Variants in ASTN2 observed in about 807,000 individuals in gnomAD.
ASTN2 encodes astrotactin-2.
Under a neutral mutation model 139.8 loss-of-function variants are expected in ASTN2, and 54 were observed. That is an observed-to-expected ratio of 0.39 (90% CI 0.31 to 0.48). The LOEUF (loss-of-function observed/expected upper bound fraction) is 0.48. Ranked by LOEUF, ASTN2 falls within the 20% of genes least tolerant of loss-of-function variation. The probability of loss-of-function intolerance (pLI) is 0.95; values close to 1 mark genes in which losing one functional copy is unlikely to be tolerated. For synonymous variants in ASTN2, 756 were observed against 719.5 expected (o/e 1.05, Z -0.81); for missense variants, 1,565 against 1,725.1 (o/e 0.91, Z 1.64).
At chr9:117,150,101 A>G (rs986019758) in intron 3 of ASTN2, among the ~76,000 whole-genome samples, 1 of 152,140 alleles carries the variant, frequency 6.6e-6, no homozygotes, top group African/African-American at 2.4e-5. Flanking sequence ...TGAATGATGG[A>G]ATTAAATTTA....
chr9:117,250,647 A>T (rs1833511965), intron 2 of ASTN2, among the ~76,000 whole-genome samples: 1 of 152,204 alleles, frequency 6.6e-6, no homozygotes, highest in Non-Finnish European at 1.5e-5. Context: ...CATGACTTTA[A>T]TGGCAAAAAA....
chr9:116,936,035 T>C (rs1209295105), intron 10 of ASTN2, among the ~76,000 whole-genome samples: 1 of 6,264 alleles, frequency 1.6e-4, no homozygotes, highest in Non-Finnish European at 3.2e-4. Context: ...GTGTCAGTGG[T>C]CTTAATTACC....
chr9:116,703,317 G>A (rs1218377318), intron 16 of ASTN2, among the ~76,000 whole-genome samples: 3 of 149,898 alleles, frequency 2.0e-5, no homozygotes, highest in African/African-American at 7.4e-5. Flanking sequence ...CCCACTTTTT[G>A]ATGGGGTTGT....
chr9:117,157,329 T>C (rs1209859880), intron 3 of ASTN2, among the ~76,000 whole-genome samples: 2 of 151,980 alleles, frequency 1.3e-5, no homozygotes, highest in Non-Finnish European at 2.9e-5. Context: ...TGGATCCAAG[T>C]TAGCAGGAAG....
chr9:116,820,143 T>C (rs778826614), intron 12 of ASTN2, among the ~76,000 whole-genome samples: 2 of 152,232 alleles, frequency 1.3e-5, no homozygotes, highest in Admixed American at 1.3e-4. Context: ...ATACGGACAT[T>C]AGGACACAGA....
chr9:116,894,034 A>C (rs1833826774), intron 10 of ASTN2, among the ~76,000 whole-genome samples: 1 of 152,176 alleles, frequency 6.6e-6, no homozygotes, highest in African/African-American at 2.4e-5. Flanking sequence ...CATCTGCAGA[A>C]AAGCAATGAC....
At chr9:117,009,865 T>C (rs763569264) in intron 6 of ASTN2, among the ~76,000 whole-genome samples, 20 of 152,166 alleles carry the variant, frequency 1.3e-4, no homozygotes, top group Non-Finnish European at 2.6e-4. Flanking sequence ...CAATGAGCAA[T>C]GGCCAGGGAG....
chr9:117,041,251 A>C (rs1428111746), intron 5 of ASTN2, among the ~76,000 whole-genome samples: 1 of 151,106 alleles, frequency 6.6e-6, no homozygotes, highest in South Asian at 2.1e-4. Context: ...ATGCCTCCAC[A>C]ATTTTTTTTT....
intron 16 of ASTN2, among the ~76,000 whole-genome samples, chr9:116,666,581 C>T (rs991628669): frequency 2.0e-5 from 3 of 152,116 alleles, no homozygotes; most frequent in Non-Finnish European, 4.4e-5. Context: ...ATTACTGTAT[C>T]ATACTTTTAA....
At chr9:116,459,865 CAG>C (rs1335770574) in intron 20 of ASTN2, among the ~76,000 whole-genome samples, 6 of 152,066 alleles carry the variant, frequency 3.9e-5, no homozygotes, top group Admixed American at 3.9e-4. Flanking sequence ...AAGTTACACA[CAG>C]AGTTATCATA....
chr9:117,387,752 C>A (rs547583336), intron 1 of ASTN2, among the ~76,000 whole-genome samples: 6 of 152,128 alleles, frequency 3.9e-5, no homozygotes, highest in East Asian at 1.9e-4. Context: ...GAGAGAAATG[C>A]GGAGTCCTGA....
chr9:116,949,514 A>T (rs1835497947), intron 10 of ASTN2, among the ~76,000 whole-genome samples: 1 of 152,122 alleles, frequency 6.6e-6, no homozygotes. Flanking sequence ...TATCAGAACT[A>T]GTGTAAGTGG....
At chr9:116,586,032 T>C (rs1854132408) in intron 19 of ASTN2, 1 of 152,020 alleles carries the variant, frequency 6.6e-6, no homozygotes, top group South Asian at 2.1e-4. Flanking sequence ...AAGCAGCCAA[T>C]AAACATGAAA....
intron 3 of ASTN2, among the ~76,000 whole-genome samples, chr9:117,189,539 C>A (rs1831293570): frequency 1.3e-5 from 2 of 152,316 alleles, no homozygotes; most frequent in African/African-American, 4.8e-5. Context: ...ATATTTCAGA[C>A]AACATGTCAA....
At chr9:117,365,305 A>AAT (rs1482631989) in intron 1 of ASTN2, among the ~76,000 whole-genome samples, 2 of 147,152 alleles carry the variant, frequency 1.4e-5, no homozygotes, top group Non-Finnish European at 3.0e-5. Context: ...AAGAAAAAGA[A>AAT]AGAAAGAAAA....
chr9:116,915,434 G>C (rs1243012460), intron 10 of ASTN2, among the ~76,000 whole-genome samples: 1 of 152,082 alleles, frequency 6.6e-6, no homozygotes, highest in Non-Finnish European at 1.5e-5. Context: ...TGTCCTGACT[G>C]GTAAGAGCAT....
At chr9:116,628,572 G>C (rs555752651) in intron 17 of ASTN2, among the ~76,000 whole-genome samples, 2 of 152,240 alleles carry the variant, frequency 1.3e-5, no homozygotes, top group African/African-American at 4.8e-5. Context: ...AGAGGTTAGG[G>C]AGAAGTGAAG....
intron 20 of ASTN2, among the ~76,000 whole-genome samples, chr9:116,485,674 C>T (rs1310345362): frequency 6.6e-6 from 1 of 152,196 alleles, no homozygotes. Context: ...GCCCAGATGT[C>T]CCACTGGAAG....
chr9:116,784,141 T>C lies in ASTN2; in HGVS notation c.2396+21491A>G, dbSNP rs139492616. Among the ~76,000 whole-genome samples, 464 of 152,332 alleles carry C rather than the reference T, an allele frequency of 3.0e-3. 2 individuals are homozygous for C. Among genetic ancestry groups the C allele is most frequent in the Middle Eastern group, 0.01 (3 of 294 alleles). On this transcript the variant is annotated intron_variant, in intron 13 of 22. Transcript: ENST00000313400. Reference sequence around the variant, plus strand: ...GGATAAATGGATCAAGACTGCACTCTACAGAGCTAGGATTTGAACCCACAT... The same window carrying C: ...GGATAAATGGATCAAGACTGCACTCCACAGAGCTAGGATTTGAACCCACAT...
Sources: gnomAD v4.1 joint callset for allele counts (sites outside exome capture counted in the v4.1 genomes callset) on GRCh38, gnomAD v4.1.1 for gene constraint, MANE v1.5 for transcripts, NCBI Gene and HGNC (gene_info 2026-07-23, HGNC 2026-07-21) for gene names.